DOCK8: variants seen among roughly 807,000 people sequenced by gnomAD.
The protein encoded by DOCK8 is dedicator of cytokinesis 8.
DOCK8 carries 141 observed loss-of-function variants against 245.6 expected under a neutral mutation model. The ratio of observed to expected loss-of-function variants is 0.57; its 90% CI spans 0.50 to 0.66. DOCK8 has a LOEUF of 0.66. Among genes scored for constraint, DOCK8 ranks in the 30% least tolerant of loss-of-function variants. DOCK8 has a pLI of 0.00. For missense variants in DOCK8, 2,965 were observed against 2,603.4 expected, an observed-to-expected ratio of 1.14 and a Z score of -3.02; for synonymous variants, 1,168 against 970.2, an observed-to-expected ratio of 1.20 and a Z score of -3.79.
At chr9:455,850 CA>C (rs61661895) in intron 46 of DOCK8, among the ~76,000 whole-genome samples, 28,712 of 148,032 alleles carry the variant, frequency 0.19, 3,343 homozygotes, top group East Asian at 0.47. Flanking sequence ...TATGTGAGAA[CA>C]AAAAAAAAAG....
intron 46 of DOCK8, among the ~76,000 whole-genome samples, chr9:458,601 C>G (rs2057712393): frequency 6.6e-6 from 1 of 151,928 alleles, no homozygotes; most frequent in African/African-American, 2.4e-5. Context: ...CTTGAGCTCA[C>G]AAGTTCGAGA....
Position 232,385 on chromosome 9 carries a change from T to C in DOCK8, c.53+17356T>C, listed in dbSNP as rs537344497. Reference sequence around the variant, plus strand: ...TTTTGGTTGTGTCTCTGCCAGGCTTTGGTATCAGGATGATGCTGGCCTCAT... The same window carrying C: ...TTTTGGTTGTGTCTCTGCCAGGCTTCGGTATCAGGATGATGCTGGCCTCAT... On this transcript the variant is annotated intron_variant, in intron 1 of 47. Coordinates refer to ENST00000432829, the MANE Select transcript of DOCK8 (RefSeq NM_203447.4). Among the ~76,000 whole-genome samples, 24 of 152,356 alleles carry C rather than the reference T, an allele frequency of 1.6e-4. No homozygotes were observed. In the East Asian group the frequency reaches 4.2e-3, roughly 27 times the overall value.
intron 3 of DOCK8, among the ~76,000 whole-genome samples, chr9:288,725 T>C (rs72701256): frequency 0.029 from 4,361 of 152,242 alleles, 96 homozygotes; most frequent in African/African-American, 0.055. Context: ...TGGCTTATGG[T>C]CACATAGCTA....
intron 20 of DOCK8, among the ~76,000 whole-genome samples, chr9:377,462 C>A (rs1209707904): frequency 6.6e-6 from 1 of 152,096 alleles, no homozygotes; most frequent in Non-Finnish European, 1.5e-5. Flanking sequence ...TGATTATAGG[C>A]AGTCTTTAAA....
intron 1 of DOCK8, among the ~76,000 whole-genome samples, chr9:250,942 G>T (rs1342481468): frequency 2.0e-5 from 3 of 152,176 alleles, no homozygotes; most frequent in African/African-American, 7.2e-5. Context: ...CTCGAGCTCA[G>T]GGGAAGGGGA....
chr9:308,524 T>G (rs985950064), intron 5 of DOCK8, among the ~76,000 whole-genome samples: 3 of 152,220 alleles, frequency 2.0e-5, no homozygotes, highest in African/African-American at 7.2e-5. Context: ...TTTATAAAAT[T>G]TAAACAAGTA....
At chr9:448,897 C>G (rs1481636089) in intron 44 of DOCK8, among the ~76,000 whole-genome samples, 1 of 152,196 alleles carries the variant, frequency 6.6e-6, no homozygotes, top group East Asian at 1.9e-4. Context: ...CCCAAACCAG[C>G]AGAACTTAGC....
intron 14 of DOCK8, chr9:340,689 G>C: frequency 5.0e-6 from 1 of 200,618 alleles, no homozygotes; most frequent in Non-Finnish European, 1.0e-5. Flanking sequence ...AGTTTTATTT[G>C]AATAACGTTT....
chr9:443,401 A>G (rs1405339153), intron 42 of DOCK8, 26 bp from the exon 43 acceptor site: 1 of 1,603,972 alleles, frequency 6.2e-7, no homozygotes, highest in African/African-American at 1.3e-5. Flanking sequence ...AATAACCTTT[A>G]TAAACTGTTG....
chr9:424,179 G>A (rs1340972666), intron 33 of DOCK8, among the ~76,000 whole-genome samples: 2 of 150,500 alleles, frequency 1.3e-5, no homozygotes, highest in African/African-American at 4.9e-5. Context: ...ATCATTTTTC[G>A]ATTATTTTGG....
rs1254735103 is a variant in DOCK8, at chr9:237,683, A to G, written c.53+22654A>G. Among the ~76,000 whole-genome samples, 4 of 152,172 alleles carry G rather than the reference A, an allele frequency of 2.6e-5. No individual in the cohort carries two copies. The South Asian group carries it at 6.2e-4, about 24-fold the overall frequency. ...AAAAATAATAATAAAATAAAATCTA[A>G]TTGCAGGCAAGGCCACAGGAAGTGG... is the stretch of plus-strand genomic sequence containing the variant. On this transcript the variant is annotated intron_variant, in intron 1 of 47. Transcript: ENST00000432829.
rs369902285 is a variant in DOCK8 at position 441,370 on chromosome 9, C to G, written c.5308C>G (p.Leu1770Val). 6.2e-7 allele frequency: 1 copy of G among 1,614,222 alleles called. No individual in the cohort carries two copies. Among genetic ancestry groups the G allele is most frequent in the African/African-American group, 1.3e-5 (1 of 75,054 alleles). The change falls in exon 41 of 48, where the codon CTC becomes GTC. Residue 1770 changes from leucine (L) to valine (V), a missense_variant. Physicochemically the swap from Leu to Val is conservative, Grantham distance 32. This residue lies in a region of DOCK8 where 2,825 missense variants were observed against 2,453.5 expected (regional missense o/e 1.15). Coordinates refer to ENST00000432829, the MANE Select transcript of DOCK8 (RefSeq NM_203447.4). ...GCATCGAGAATTCCGGAAGCTGACA[C>G]TCACTCACAGCAAGCTGCAGAGAGC... is the stretch of plus-strand genomic sequence containing the variant. ...EAHREFRKLT[L>V]THSKLQRAFD...
chr9:214,789 C>G (rs770233023), upstream of DOCK8: 2 of 1,570,744 alleles, frequency 1.3e-6, no homozygotes, highest in South Asian at 1.2e-5. Context: ...CCGGCCGTCG[C>G]TGCTCCGAGC....
chr9:456,232 GTTGCTTAATTGC>G (rs1564090420), intron 46 of DOCK8: 1 of 152,218 alleles, frequency 6.6e-6, no homozygotes, highest in African/African-American at 2.4e-5. Context: ...AGGTTCCTCT[GTTGCTTAATTGC>G]TTCTCAAGTC....
intron 14 of DOCK8, among the ~76,000 whole-genome samples, chr9:356,229 T>C (rs1057142227): frequency 4.6e-5 from 7 of 151,916 alleles, no homozygotes; most frequent in African/African-American, 1.7e-4. Flanking sequence ...AAGAAAAAAA[T>C]GTAGAGTAAA....
At chr9:217,872 G>C (rs965173160) in intron 1 of DOCK8, among the ~76,000 whole-genome samples, 2 of 152,146 alleles carry the variant, frequency 1.3e-5, no homozygotes, top group African/African-American at 4.8e-5. Flanking sequence ...CATACAACCA[G>C]CAATGGCAGA....
rs1025579748 is a variant in DOCK8, at chr9:274,996, T to C, written c.156+3267T>C. Among the ~76,000 whole-genome samples, 42 of 152,256 alleles carry C rather than the reference T, an allele frequency of 2.8e-4. 1 individual carries two copies. Among genetic ancestry groups the C allele is most frequent in the African/African-American group, 9.6e-4 (40 of 41,474 alleles). ...CCTAATCATTTACACGTCTTTGTTG[T>C]TGCTGCTGTTTTGCAAGAGTGAAGA... On this transcript the variant is annotated intron_variant, in intron 2 of 47. Transcript: ENST00000432829.
intron 1 of DOCK8, among the ~76,000 whole-genome samples, chr9:247,673 A>C (rs1480823097): frequency 6.6e-6 from 1 of 151,998 alleles, no homozygotes; most frequent in Non-Finnish European, 1.5e-5. Flanking sequence ...AGCTGGGAAT[A>C]CAGGCACCCA....
intron 1 of DOCK8, among the ~76,000 whole-genome samples, chr9:260,213 C>T (rs2047885011): frequency 6.6e-6 from 1 of 152,162 alleles, no homozygotes; most frequent in Admixed American, 6.5e-5. Flanking sequence ...CTCATGAGAA[C>T]CTCAAACTTA....
Sources: allele counts gnomAD v4.1 joint callset (sites outside exome capture counted in the v4.1 genomes callset), GRCh38; gene constraint gnomAD v4.1.1; regional missense constraint gnomAD v4.1.1; transcripts MANE v1.5; gene names NCBI Gene and HGNC (gene_info 2026-07-23, HGNC 2026-07-21).